The following OCIAD1 variants were observed in gnomAD, a reference collection of about 807,000 sequenced individuals.
The protein encoded by OCIAD1 is OCIA domain-containing protein 1.
Under a neutral mutation model 38.9 loss-of-function variants are expected in OCIAD1, and 29 were observed. The observed-to-expected ratio is 0.74, with a 90% CI of 0.55 to 1.02. The LOEUF (loss-of-function observed/expected upper bound fraction) is 1.02, where lower values mean the gene tolerates loss of function less well. OCIAD1 is among the 50% of genes least tolerant of loss of function. The probability of loss-of-function intolerance (pLI) is 0.00; values close to 1 mark genes in which losing one functional copy is unlikely to be tolerated. For synonymous variants in OCIAD1, 110 were observed against 92.0 expected (o/e 1.20, Z -1.12); for missense variants, 288 against 289.6 (o/e 0.99, Z 0.04).
At chr4:48,817,746 G>A (rs1264351369) in intron 1 of OCIAD1, among the ~76,000 whole-genome samples, 1 of 152,176 alleles carries the variant, frequency 6.6e-6, no homozygotes, top group African/African-American at 2.4e-5. Context: ...GTGTGGGGAG[G>A]GGCATCTGCC....
At chr4:48,860,625 TGAGA>T (rs1276245165) in intron 8 of OCIAD1, 96 bp from the exon 9 acceptor site, 10 of 925,468 alleles carry the variant, frequency 1.1e-5, no homozygotes, top group Non-Finnish European at 1.8e-5. Context: ...TTTATTCAAA[TGAGA>T]GAGAAACATA....
In OCIAD1 at chr4:48,832,614, A is replaced by G. The variant is rs766705642; in HGVS notation, c.-5-6A>G. On this transcript the variant is annotated splice_region_variant and splice_polypyrimidine_tract_variant and intron_variant, in intron 1 of 8. Transcript: ENST00000264312. ...TAATACTTAATATGTAATGTTTTTGATACAGGAAAGATGAATGGGAGGGCT... is the reference window on the plus strand; with the variant it reads ...TAATACTTAATATGTAATGTTTTTGGTACAGGAAAGATGAATGGGAGGGCT... 6.2e-7 allele frequency: 1 copy of G among 1,610,436 alleles called. No individual in the cohort carries two copies. The highest frequency in any genetic ancestry group is 1.3e-5 in the African/African-American group (1 of 74,970).
intron 7 of OCIAD1, among the ~76,000 whole-genome samples, chr4:48,853,447 C>T (rs1579107749): frequency 6.6e-6 from 1 of 152,040 alleles, no homozygotes; most frequent in Non-Finnish European, 1.5e-5. Flanking sequence ...AATAGTGAAA[C>T]ATACCTGACC....
chr4:48,833,624 A>G (rs1266010028), intron 3 of OCIAD1, 143 bp downstream of exon 3: 2 of 577,986 alleles, frequency 3.5e-6, no homozygotes, highest in East Asian at 2.9e-5. Context: ...GTTAAAAGAG[A>G]TTAAGGAGAT....
chr4:48,829,682 C>T (rs895390385), upstream of OCIAD1, among the ~76,000 whole-genome samples: 1 of 152,178 alleles, frequency 6.6e-6, no homozygotes, highest in East Asian at 1.9e-4. Context: ...TCTGGAAGAA[C>T]AGTGGTCTAG....
intron 1 of OCIAD1, among the ~76,000 whole-genome samples, chr4:48,812,391 A>G (rs1405105721): frequency 1.3e-5 from 2 of 151,516 alleles, no homozygotes; most frequent in Non-Finnish European, 2.9e-5. Flanking sequence ...TTACCAAGAA[A>G]GTGGCTACCG....
chr4:48,852,882 G>GTTTTTTTTTTTTTTTTTTTTTT (rs1439653723), intron 7 of OCIAD1, among the ~76,000 whole-genome samples: 7 of 126,302 alleles, frequency 5.5e-5, no homozygotes, highest in African/African-American at 2.2e-4. Flanking sequence ...TTTGTTTTTT[G>GTTTTTTTTTTTTTTTTTTTTTT]TTTTTTTTTT....
chr4:48,832,983 G>C (rs1398154456), intron 2 of OCIAD1, among the ~76,000 whole-genome samples: 1 of 152,168 alleles, frequency 6.6e-6, no homozygotes, highest in African/African-American at 2.4e-5. Flanking sequence ...TGGCTCGGTG[G>C]CTCATGCCTG....
chr4:48,839,199 GC>G (rs1450228493), intron 3 of OCIAD1, among the ~76,000 whole-genome samples: 2 of 152,142 alleles, frequency 1.3e-5, no homozygotes, highest in Non-Finnish European at 2.9e-5. Context: ...ATTTTGAGAG[GC>G]CGAGGTGGGT....
chr4:48,825,718 G>A lies in OCIAD1; in HGVS notation c.-102-4859G>A, dbSNP rs538640195. On this transcript the variant is annotated intron_variant, in intron 1 of 6. Coordinates refer to the OCIAD1 transcript ENST00000504654. ...CATGGGAATATTAGTTAAGAAATCC[G>A]CCCTATGCTATTAATTATCCCTTCT... Among the ~76,000 whole-genome samples, 8 of 152,150 alleles carry A rather than the reference G, an allele frequency of 5.3e-5. No homozygotes were observed. The East Asian group carries it at 5.8e-4, about 11-fold the overall frequency.
intron 8 of OCIAD1, among the ~76,000 whole-genome samples, chr4:48,859,227 A>AC (rs887332195): frequency 6.6e-6 from 1 of 151,828 alleles, no homozygotes; most frequent in Non-Finnish European, 1.5e-5. Flanking sequence ...GATGTAAAAA[A>AC]AATCTACCTT....
At chr4:48,815,659 C>T (rs941497430) in intron 1 of OCIAD1, among the ~76,000 whole-genome samples, 5 of 152,174 alleles carry the variant, frequency 3.3e-5, no homozygotes, top group African/African-American at 1.2e-4. Context: ...TATCTCAGTT[C>T]TTGTAAAATT....
intron 1 of OCIAD1, among the ~76,000 whole-genome samples, chr4:48,808,245 A>G (rs1365723541): frequency 1.3e-5 from 2 of 152,166 alleles, no homozygotes; most frequent in Non-Finnish European, 2.9e-5. Context: ...AGGCAGGAGG[A>G]TCACTTGAGC....
upstream of OCIAD1, among the ~76,000 whole-genome samples, chr4:48,830,831 T>C (rs1384298820): frequency 2.0e-5 from 3 of 151,496 alleles, no homozygotes; most frequent in Non-Finnish European, 4.4e-5. Flanking sequence ...ACCAGAGAGG[T>C]GCATCACAAC....
intron 1 of OCIAD1, chr4:48,831,676 G>C (rs1252938154): frequency 4.4e-6 from 3 of 681,122 alleles, no homozygotes; most frequent in Non-Finnish European, 6.8e-6. Flanking sequence ...GAAATAAGAG[G>C]GTTTCATTTT....
At position 48,861,593 on chromosome 4, in the gene OCIAD1, G is replaced by A. The variant is rs1780598573; in HGVS notation, c.*831G>A. 1.3e-5 allele frequency: 2 copies of A among 152,188 alleles called. No individual in the cohort carries two copies. Among genetic ancestry groups the A allele is most frequent in the Middle Eastern group, 3.4e-3 (1 of 294 alleles). The allele number at this position is 152,188 out of a possible 1,614,324, so 9.4% of individuals were successfully genotyped here. On this transcript the variant is annotated 3_prime_UTR_variant, in exon 9 of 9. Coordinates refer to ENST00000264312, the MANE Select transcript of OCIAD1 (RefSeq NM_017830.4). ...CCTAGTTACTTAAGAGGCTGAGTTG[G>A]GAGGATCAGTTGAACCCAGTGGTTC...
intron 8 of OCIAD1, among the ~76,000 whole-genome samples, chr4:48,858,224 GT>G (rs1780267145): frequency 6.6e-6 from 1 of 152,080 alleles, no homozygotes; most frequent in Non-Finnish European, 1.5e-5. Flanking sequence ...AGCAAGATTA[GT>G]TTAACACAGG....
upstream of OCIAD1, among the ~76,000 whole-genome samples, chr4:48,827,298 T>TA (rs1777261416): frequency 1.3e-5 from 2 of 152,244 alleles, no homozygotes; most frequent in African/African-American, 4.8e-5. Context: ...CCTTTATTAT[T>TA]AATTTTTTTA....
intron 1 of OCIAD1, among the ~76,000 whole-genome samples, chr4:48,823,191 C>T (rs186246774): frequency 6.6e-6 from 1 of 152,234 alleles, no homozygotes; most frequent in African/African-American, 2.4e-5. Context: ...GCATACATAC[C>T]ATGGAATACT....
Sources: allele counts gnomAD v4.1 joint callset (sites outside exome capture counted in the v4.1 genomes callset), GRCh38; gene constraint gnomAD v4.1.1; transcripts MANE v1.5; gene names NCBI Gene and HGNC (gene_info 2026-07-23, HGNC 2026-07-21).